Variants in MESP2 observed in about 807,000 individuals in gnomAD.
MESP2 encodes mesoderm posterior bHLH transcription factor 2, also known as mesoderm posterior protein 2.
Under a neutral mutation model 37.8 loss-of-function variants are expected in MESP2, and 34 were observed. The observed-to-expected ratio is 0.90, with a 90% CI of 0.68 to 1.20. The LOEUF is 1.20. Ranked by LOEUF, MESP2 falls within the 50% of genes most tolerant of loss-of-function variation. MESP2 has a pLI of 0.00. For synonymous variants in MESP2, 303 were observed against 251.6 expected, an observed-to-expected ratio of 1.20 and a Z score of -1.93; for missense variants, 646 against 545.3, an observed-to-expected ratio of 1.18 and a Z score of -1.84.
rs771944393 is a variant in MESP2, at chr15:89,777,022, C to G, written c.665C>G (p.Ser222Cys). ...GTCCTCGCCGAGGCGTCCTGGGGAT[C>G]CCCGTCCGCCTGCCCCGGAGCCCAA... ...SAVLAEASWG[S>C]PSACPGAQAA... is the part of the protein sequence containing the mutation. Residue 222 changes from serine to cysteine, a missense_variant, in exon 1 of 2, where the codon TCC becomes TGC. Physicochemically the swap from Ser to Cys is moderately radical, Grantham distance 112. Coordinates refer to ENST00000341735, the MANE Select transcript of MESP2 (RefSeq NM_001039958.2). The G allele has an allele frequency of 1.0e-5, 16 of 1,588,496 alleles. No homozygotes were observed. Among genetic ancestry groups the G allele is most frequent in the Admixed American group, 3.5e-5 (2 of 56,556 alleles).
chr15:89,777,959 GGGCTGTCCGGATGCT>G, intron 1 of MESP2, 91 bp from the exon 2 acceptor site: 1 of 1,516,830 alleles, frequency 6.6e-7, no homozygotes, highest in Non-Finnish European at 9.1e-7. Flanking sequence ...CATGGCACCA[GGGCTGTCCGGATGCT>G]GCCAGCCATA....
chr15:89,778,485 T>A lies in MESP2; in HGVS notation c.*151T>A. The A allele has an allele frequency of 9.6e-7, 1 of 1,045,652 alleles. No homozygotes were observed. Among genetic ancestry groups the A allele is most frequent in the Non-Finnish European group, 1.4e-6 (1 of 698,840 alleles). The allele number at this position is 1,045,652 out of a possible 1,614,324, so 64.8% of individuals were successfully genotyped here. A position where few individuals can be genotyped will look rare whatever the true frequency, so the allele number is the denominator to read the frequency against. ...TCAGGGAAGCAGTGTTTGAAATAGA[T>A]AGCGGGTACCTTCCCTGGATGGAGT... On this transcript the variant is annotated 3_prime_UTR_variant, in exon 2 of 2. Transcript: ENST00000341735.
At position 89,776,484 on chromosome 15, in the gene MESP2, T is replaced by G. The variant is rs1167238872; in HGVS notation, c.127T>G (p.Cys43Gly). Reference protein sequence around the residue: ...PASSSDSSGSCPCDGARGLPQ... With the variant: ...PASSSDSSGSGPCDGARGLPQ... ...CTCCTCCTCCGATTCGTCGGGTTCGTGCCCCTGCGACGGCGCCCGCGGACT... is the reference window on the plus strand; with the variant it reads ...CTCCTCCTCCGATTCGTCGGGTTCGGGCCCCTGCGACGGCGCCCGCGGACT... The change falls in exon 1 of 2, where the codon TGC becomes GGC. Residue 43 changes from cysteine (C) to glycine (G), a missense_variant. Transcript: ENST00000341735. The G allele has an allele frequency of 6.5e-7, 1 of 1,533,904 alleles. No individual in the cohort carries two copies. The highest frequency in any genetic ancestry group is 8.7e-7 in the Non-Finnish European group (1 of 1,145,910).
rs948678206 is a variant in MESP2 at position 89,776,703 on chromosome 15, G to A, written c.346G>A (p.Gly116Ser). The A allele has an allele frequency of 6.4e-7, 1 of 1,561,804 alleles. No homozygotes were observed. Among genetic ancestry groups the A allele is most frequent in the African/African-American group, 1.4e-5 (1 of 70,500 alleles). Reference protein sequence around the residue: ...RFLPPSLAPAGQSLTKIETLR... With the variant: ...RFLPPSLAPASQSLTKIETLR... Reference sequence around the variant, plus strand: ...TCTGCCTCCCTCCTTGGCGCCGGCCGGCCAGAGCCTGACCAAGATCGAGAC... The same window carrying A: ...TCTGCCTCCCTCCTTGGCGCCGGCCAGCCAGAGCCTGACCAAGATCGAGAC... The change falls in exon 1 of 2, where the codon GGC becomes AGC. Residue 116 changes from glycine (G) to serine (S), a missense_variant. Coordinates refer to ENST00000341735, the MANE Select transcript of MESP2 (RefSeq NM_001039958.2).
Position 89,776,699 on chromosome 15 carries a change from G to C in MESP2, c.342G>C (p.Pro114=), listed in dbSNP as rs536931928. 6.4e-6 allele frequency: 10 copies of C among 1,560,684 alleles called. No homozygotes were observed. Among genetic ancestry groups the C allele is most frequent in the Admixed American group, 1.9e-5 (1 of 53,450 alleles). The change falls in exon 1 of 2, where the codon CCG becomes CCC. Residue 114 remains proline (P), a synonymous_variant. Coordinates refer to ENST00000341735, the MANE Select transcript of MESP2 (RefSeq NM_001039958.2). ...GCTTTCTGCCTCCCTCCTTGGCGCCGGCCGGCCAGAGCCTGACCAAGATCG... is the reference window on the plus strand; with the variant it reads ...GCTTTCTGCCTCCCTCCTTGGCGCCCGCCGGCCAGAGCCTGACCAAGATCG... ...LRRFLPPSLA[P]AGQSLTKIET... is the part of the protein sequence containing the mutation.
intron 1 of MESP2, 21 bp downstream of exon 1, chr15:89,777,302 T>C: frequency 3.1e-6 from 5 of 1,602,398 alleles, no homozygotes; most frequent in Non-Finnish European, 4.3e-6. Context: ...AGGCCCTTGC[T>C]GTGTTCCCCA....
At chr15:89,777,374 C>T (rs534162898) in intron 1 of MESP2, 93 bp downstream of exon 1, 1 of 1,368,252 alleles carries the variant, frequency 7.3e-7, no homozygotes, top group African/African-American at 1.5e-5. Flanking sequence ...CCAGGATTAT[C>T]TAACGGAGGG....
At position 89,778,167 on chromosome 15, in the gene MESP2, T is replaced by C. The variant is rs374475842; in HGVS notation, c.1027T>C (p.Trp343Arg). The change falls in exon 2 of 2, where the codon TGG becomes CGG. Residue 343 changes from tryptophan (W) to arginine (R), a missense_variant. Transcript: ENST00000341735. Reference protein sequence around the residue: ...RLQPQTPGRCWSHSAEVVPNS... With the variant: ...RLQPQTPGRCRSHSAEVVPNS... Reference sequence around the variant, plus strand: ...GCAGCCTCAGACCCCCGGGAGGTGCTGGAGCCACAGTGCAGAGGTGGTGCC... The same window carrying C: ...GCAGCCTCAGACCCCCGGGAGGTGCCGGAGCCACAGTGCAGAGGTGGTGCC... 2 of 1,613,714 alleles carry C rather than the reference T, an allele frequency of 1.2e-6. No individual in the cohort carries two copies. The highest frequency in any genetic ancestry group is 2.7e-5 in the African/African-American group (2 of 75,042).
rs1482752912 is a variant in MESP2 at position 89,776,652 on chromosome 15, C to A, written c.295C>A (p.Arg99Ser). The A allele has an allele frequency of 1.1e-5, 17 of 1,530,644 alleles. No individual in the cohort carries two copies. The highest frequency in any genetic ancestry group is 2.6e-5 in the East Asian group (1 of 39,028). 94.8% of individuals were successfully genotyped at this position (1,530,644 alleles called of 1,614,324 possible). A position where few individuals can be genotyped will look rare whatever the true frequency, so the allele number is the denominator to read the frequency against. The change falls in exon 1 of 2, where the codon CGC (arginine) becomes AGC (serine). Residue 99 changes from arginine (R) to serine (S), a missense_variant. Transcript: ENST00000341735. ...REKLRMRTLA[R>S]ALHELRRFLP... Reference sequence around the variant, plus strand: ...GAAACTGCGCATGCGCACGCTGGCCCGCGCCCTGCACGAGTTGCGCCGCTT... The same window carrying A: ...GAAACTGCGCATGCGCACGCTGGCCAGCGCCCTGCACGAGTTGCGCCGCTT...
rs1230478483 is a variant in MESP2 at position 89,776,910 on chromosome 15, GGGC to G, written c.554_556del (p.Gly185_Gln186delinsGlu). On this transcript the variant is annotated inframe_deletion, in exon 1 of 2. Coordinates refer to ENST00000341735, the MANE Select transcript of MESP2 (RefSeq NM_001039958.2). ...GGCGGAGGGGCAGGGGCAAGGGCAG[GGGC>G]AGGGGCAGGGGCAAGGGCAGGGGCA... 1.6e-4 allele frequency: 1 copy of G among 6,442 alleles called. No homozygotes were observed. The allele number at this position is 6,442 out of a possible 1,614,324, so 0.4% of individuals were successfully genotyped here.
rs1295593136 is a variant in MESP2 at position 89,777,085 on chromosome 15, C to A, written c.728C>A (p.Thr243Lys). 6.2e-7 allele frequency: 1 copy of A among 1,612,092 alleles called. No individual in the cohort carries two copies. Among genetic ancestry groups the A allele is most frequent in the African/African-American group, 1.3e-5 (1 of 75,014 alleles). Residue 243 changes from threonine (T) to lysine (K), a missense_variant, in exon 1 of 2, where the codon ACG becomes AAG. Transcript: ENST00000341735. ...PERLGRGVHD[T>K]DPWATPPYCP... The stretch of plus-strand genomic sequence containing the variant: ...CGCCTGGGGAGGGGGGTCCACGACA[C>A]GGATCCCTGGGCAACACCCCCTTAC...
In MESP2 at chr15:89,776,611, G is replaced by A. The variant is rs911529870; in HGVS notation, c.254G>A (p.Ser85Asn). ...RTGPAGGQRQSASEREKLRMR... is the reference protein window; with the variant it reads ...RTGPAGGQRQNASEREKLRMR... ...GGACCAGCGGGCGGACAGCGGCAGA[G>A]CGCCAGCGAGCGGGAGAAACTGCGC... Residue 85 changes from serine to asparagine, a missense_variant, in exon 1 of 2, where the codon AGC (serine) becomes AAC (asparagine). Coordinates refer to ENST00000341735, the MANE Select transcript of MESP2 (RefSeq NM_001039958.2). The A allele has an allele frequency of 3.9e-6, 6 of 1,520,030 alleles. No homozygotes were observed. The highest frequency in any genetic ancestry group is 2.9e-5 in the African/African-American group (2 of 69,814). The allele number at this position is 1,520,030 out of a possible 1,614,324, so 94.2% of individuals were successfully genotyped here. A position where few individuals can be genotyped will look rare whatever the true frequency, so the allele number is the denominator to read the frequency against.
intron 1 of MESP2, 54 bp from the exon 2 acceptor site, chr15:89,778,011 C>T (rs1968392399): frequency 1.9e-6 from 3 of 1,609,064 alleles, no homozygotes; most frequent in Middle Eastern, 2.2e-4. Flanking sequence ...GATTCAAGAT[C>T]TCTGGATATC....
At position 89,778,348 on chromosome 15, in the gene MESP2, C is replaced by A. The variant is rs976784144; in HGVS notation, c.*14C>A. ...ATCTTCTACTAAATGGCCTCGGCTT[C>A]CCTCTTTCCATCCAGGAATCAGTCC... On this transcript the variant is annotated 3_prime_UTR_variant, in exon 2 of 2. Coordinates refer to ENST00000341735, the MANE Select transcript of MESP2 (RefSeq NM_001039958.2). 3 of 1,613,014 alleles carry A rather than the reference C, an allele frequency of 1.9e-6. No individual in the cohort carries two copies. The highest frequency in any genetic ancestry group is 2.5e-6 in the Non-Finnish European group (3 of 1,180,024).
At chr15:89,777,674 A>G (rs1040329033) in intron 1 of MESP2, among the ~76,000 whole-genome samples, 6 of 152,166 alleles carry the variant, frequency 3.9e-5, no homozygotes, top group Admixed American at 1.3e-4. Context: ...GAGGCTCATG[A>G]ATGACTCATC....
Position 89,776,874 on chromosome 15 carries a change from G to A in MESP2, c.517G>A (p.Ala173Thr), listed in dbSNP as rs374604155. 195 of 1,459,248 alleles carry A rather than the reference G, an allele frequency of 1.3e-4. 1 individual carries two copies. The African/African-American group carries it at 2.4e-3, about 18-fold the overall frequency. 90.4% of individuals were successfully genotyped at this position (1,459,248 alleles called of 1,614,324 possible). The change falls in exon 1 of 2, where the codon GCG becomes ACG. Residue 173 changes from alanine to threonine, a missense_variant. Transcript: ENST00000341735. ...GTGCCCCGACCGTGGCCCCGCAGAG[G>A]CGCAGACGCAGGCGGAGGGGCAGGG... ...PLCPDRGPAE[A>T]QTQAEGQGQG...
In MESP2 at chr15:89,778,118, G is replaced by A. The variant is rs1044843208; in HGVS notation, c.978G>A (p.Leu326=). 3.1e-6 allele frequency: 5 copies of A among 1,613,644 alleles called. No homozygotes were observed. Among genetic ancestry groups the A allele is most frequent in the Non-Finnish European group, 4.2e-6 (5 of 1,180,018 alleles). ...PCLSLGAPSL[L]PHPSCQRLQP... is the part of the protein sequence containing the mutation. The stretch of plus-strand genomic sequence containing the variant: ...TGTCGCTGGGAGCTCCATCTCTCCT[G>A]CCCCACCCATCATGCCAGAGACTGC... Residue 326 remains leucine, a synonymous_variant, in exon 2 of 2, where the codon CTG becomes CTA. Coordinates refer to ENST00000341735, the MANE Select transcript of MESP2 (RefSeq NM_001039958.2).
intron 1 of MESP2, 116 bp downstream of exon 1, chr15:89,777,397 A>C (rs1415191318): frequency 8.3e-7 from 1 of 1,206,816 alleles, no homozygotes; most frequent in Non-Finnish European, 1.1e-6. Flanking sequence ...GAATGGAAGG[A>C]ACCCCCGGCT....
chr15:89,777,102 C>G lies in MESP2; in HGVS notation c.745C>G (p.Pro249Ala). The change falls in exon 1 of 2, where the codon CCC (proline) becomes GCC (alanine). Residue 249 changes from proline to alanine, a missense_variant. Pro to Ala is a conservative substitution (Grantham distance 27). Coordinates refer to ENST00000341735, the MANE Select transcript of MESP2 (RefSeq NM_001039958.2). ...CCACGACACGGATCCCTGGGCAACA[C>G]CCCCTTACTGCCCCAAGATACAGTC... ...GVHDTDPWAT[P>A]PYCPKIQSPP... The G allele has an allele frequency of 2.5e-6, 4 of 1,612,712 alleles. No individual in the cohort carries two copies. The highest frequency in any genetic ancestry group is 3.4e-6 in the Non-Finnish European group (4 of 1,179,930).
Sources: gnomAD v4.1 joint callset for allele counts (sites outside exome capture counted in the v4.1 genomes callset) on GRCh38, gnomAD v4.1.1 for gene constraint, MANE v1.5 for transcripts, NCBI Gene and HGNC (gene_info 2026-07-23, HGNC 2026-07-21) for gene names.